KLHL1: variants seen among roughly 807,000 people sequenced by gnomAD.
KLHL1 encodes the protein kelch like family member 1.
In KLHL1, 47 loss-of-function variants were observed where a neutral mutation model predicts 77.7. The observed-to-expected ratio is 0.60, with a 90% confidence interval of 0.48 to 0.77. The LOEUF is 0.77. Ranked by LOEUF, KLHL1 falls within the 30% of genes least tolerant of loss-of-function variation. The pLI is 0.00. For missense variants in KLHL1, 925 were observed against 910.8 expected, an observed-to-expected ratio of 1.02 and a Z score of -0.20; for synonymous variants, 360 against 325.2, an observed-to-expected ratio of 1.11 and a Z score of -1.15.
At chr13:69,960,647 C>T (rs948754972) in intron 3 of KLHL1, among the ~76,000 whole-genome samples, 6 of 151,982 alleles carry the variant, frequency 3.9e-5, no homozygotes, top group African/African-American at 1.4e-4. Context: ...GAGGGCAATA[C>T]ACAGATTTAT....
intron 6 of KLHL1, among the ~76,000 whole-genome samples, chr13:69,810,992 TA>T (rs1375562135): frequency 1.3e-5 from 2 of 150,258 alleles, no homozygotes; most frequent in African/African-American, 5.0e-5. Context: ...ACCTATCAAA[TA>T]AAAAAAGCCC....
At chr13:69,876,321 C>T (rs867454604) in intron 5 of KLHL1, among the ~76,000 whole-genome samples, 13 of 151,982 alleles carry the variant, frequency 8.6e-5, no homozygotes, top group Admixed American at 1.3e-4. Context: ...ATGAAGAGTC[C>T]GTATGTCACT....
intron 8 of KLHL1, among the ~76,000 whole-genome samples, chr13:69,724,463 T>C (rs9572249): frequency 0.73 from 111,268 of 152,004 alleles, 42,519 homozygotes; most frequent in East Asian, 0.99. Flanking sequence ...CGTTCATATA[T>C]TGAAGACAGA....
chr13:69,800,118 G>A (rs1415395442), intron 6 of KLHL1, among the ~76,000 whole-genome samples: 1 of 152,118 alleles, frequency 6.6e-6, no homozygotes, highest in Non-Finnish European at 1.5e-5. Context: ...TATTCTAGAG[G>A]CCACCACATT....
chr13:70,003,265 A>G (rs1360366440), intron 1 of KLHL1, among the ~76,000 whole-genome samples: 1 of 151,764 alleles, frequency 6.6e-6, no homozygotes, highest in Admixed American at 6.6e-5. Flanking sequence ...GAAAACTTTG[A>G]TGAATAAGGG....
At chr13:69,753,358 C>T (rs1203593812) in intron 7 of KLHL1, among the ~76,000 whole-genome samples, 3 of 152,136 alleles carry the variant, frequency 2.0e-5, no homozygotes, top group African/African-American at 4.8e-5. Flanking sequence ...GGAATTTTCA[C>T]AAGAGGATGA....
At chr13:69,945,790 C>G (rs2225529) in intron 3 of KLHL1, among the ~76,000 whole-genome samples, 1 of 151,934 alleles carries the variant, frequency 6.6e-6, no homozygotes, top group Non-Finnish European at 1.5e-5. Context: ...GCAGTTTTAT[C>G]TCTCCTATGA....
intron 6 of KLHL1, among the ~76,000 whole-genome samples, chr13:69,801,075 G>C (rs73504085): frequency 6.6e-6 from 1 of 151,992 alleles, no homozygotes; most frequent in Non-Finnish European, 1.5e-5. Context: ...TAAAGCCCTC[G>C]ATGGACCACA....
chr13:69,986,717 C>T (rs1884880772), intron 1 of KLHL1, among the ~76,000 whole-genome samples: 1 of 151,710 alleles, frequency 6.6e-6, no homozygotes, highest in African/African-American at 2.4e-5. Flanking sequence ...TTTTTCCTAC[C>T]AAAGTTTTGC....
chr13:69,802,850 T>A (rs1304646809), intron 6 of KLHL1: 1 of 152,094 alleles, frequency 6.6e-6, no homozygotes, highest in Non-Finnish European at 1.5e-5. Flanking sequence ...TTTAACTCGG[T>A]GTCTGAGGGG....
At chr13:69,915,722 C>G (rs1040119235) in intron 4 of KLHL1, among the ~76,000 whole-genome samples, 24 of 151,982 alleles carry the variant, frequency 1.6e-4, no homozygotes, top group Non-Finnish European at 2.8e-4. Flanking sequence ...GCAATGGCAA[C>G]AAAAGCCAAA....
chr13:69,889,766 G>T (rs901456847), intron 4 of KLHL1, among the ~76,000 whole-genome samples: 6 of 151,974 alleles, frequency 3.9e-5, no homozygotes, highest in African/African-American at 1.4e-4. Context: ...GATGAAAATA[G>T]CATCCATGAT....
At chr13:70,106,152 A>G (rs1166874425) in intron 1 of KLHL1, among the ~76,000 whole-genome samples, 1 of 151,774 alleles carries the variant, frequency 6.6e-6, no homozygotes, top group Non-Finnish European at 1.5e-5. Context: ...AATCAAATTT[A>G]TAAGAAACTG....
intron 5 of KLHL1, among the ~76,000 whole-genome samples, chr13:69,856,432 C>G (rs1879923267): frequency 6.6e-6 from 1 of 152,018 alleles, no homozygotes; most frequent in Non-Finnish European, 1.5e-5. Flanking sequence ...GTCTTTTGCT[C>G]TGATCCAGGA....
chr13:69,969,196 A>G (rs554571958), intron 2 of KLHL1, among the ~76,000 whole-genome samples: 30 of 152,300 alleles, frequency 2.0e-4, no homozygotes, highest in African/African-American at 7.2e-4. Flanking sequence ...TAACCATGTA[A>G]TTCATGCATT....
chr13:70,052,679 A>G (rs1319596015), intron 1 of KLHL1, among the ~76,000 whole-genome samples: 1 of 151,880 alleles, frequency 6.6e-6, no homozygotes, highest in Admixed American at 6.6e-5. Flanking sequence ...CTTAAAAGAG[A>G]AAACAAATCT....
chr13:69,996,542 A>G (rs996080013), intron 1 of KLHL1, among the ~76,000 whole-genome samples: 4 of 152,140 alleles, frequency 2.6e-5, no homozygotes, highest in African/African-American at 7.2e-5. Flanking sequence ...TCAACTTCCC[A>G]TAACACTTTG....
intron 7 of KLHL1, among the ~76,000 whole-genome samples, chr13:69,771,453 T>C (rs1875560885): frequency 6.6e-6 from 1 of 152,192 alleles, no homozygotes; most frequent in African/African-American, 2.4e-5. Context: ...AAGGTTGATA[T>C]GCCTCTATAA....
intron 1 of KLHL1, among the ~76,000 whole-genome samples, chr13:70,085,208 A>G (rs555674377): frequency 5.9e-5 from 9 of 152,208 alleles, no homozygotes; most frequent in Non-Finnish European, 8.8e-5. Context: ...AAACAAAGAG[A>G]GAAACAGAAA....
Sources: gnomAD v4.1 joint callset for allele counts (sites outside exome capture counted in the v4.1 genomes callset) on GRCh38, gnomAD v4.1.1 for gene constraint, MANE v1.5 for transcripts, NCBI Gene and HGNC (gene_info 2026-07-23, HGNC 2026-07-21) for gene names.